The following BACE2 variants were observed in gnomAD, a reference collection of about 807,000 sequenced individuals.
The protein encoded by BACE2 is 56 kDa aspartic-like protease.
BACE2 carries 17 observed loss-of-function variants against 46.2 expected under a neutral mutation model. The observed-to-expected ratio is 0.37, with a 90% CI of 0.25 to 0.55. The LOEUF (loss-of-function observed/expected upper bound fraction) is 0.55, where lower values mean the gene tolerates loss of function less well. Among genes scored for constraint, BACE2 ranks in the 20% least tolerant of loss-of-function variants. The pLI, the probability that BACE2 is intolerant of heterozygous loss-of-function variation, is 0.82. For missense variants in BACE2, 595 were observed against 698.1 expected (o/e 0.85, Z 1.66); for synonymous variants, 277 against 295.9 (o/e 0.94, Z 0.66).
At chr21:41,244,841 T>G (rs1410356116) in intron 5 of BACE2, among the ~76,000 whole-genome samples, 1 of 151,996 alleles carries the variant, frequency 6.6e-6, no homozygotes, top group African/African-American at 2.4e-5. Flanking sequence ...AATGTCCGAA[T>G]GTAAAACAAA....
chr21:41,214,183 T>G (rs2123552364), intron 1 of BACE2, among the ~76,000 whole-genome samples: 1 of 152,298 alleles, frequency 6.6e-6, no homozygotes, highest in Admixed American at 6.5e-5. Flanking sequence ...AACCCACCTC[T>G]TCCAGGTGCC....
At chr21:41,210,590 C>T (rs976216757) in intron 1 of BACE2, among the ~76,000 whole-genome samples, 3 of 152,134 alleles carry the variant, frequency 2.0e-5, no homozygotes, top group South Asian at 2.1e-4. Context: ...CGCCCACAGA[C>T]GCAGACTGAC....
chr21:41,171,639 C>T lies in BACE2; in HGVS notation c.312+3064C>T, dbSNP rs145981106. On this transcript the variant is annotated intron_variant, in intron 1 of 8. Transcript: ENST00000330333. ...CAATTTGGTCTTATTAATAATAACACTCTTCTAAAGTAATTATAATTACAG... is the reference window on the plus strand; with the variant it reads ...CAATTTGGTCTTATTAATAATAACATTCTTCTAAAGTAATTATAATTACAG... Among the ~76,000 whole-genome samples, 27 of 152,296 alleles carry T rather than the reference C, an allele frequency of 1.8e-4. 1 individual carries two copies. The East Asian group carries it at 5.2e-3, about 29-fold the overall frequency.
At chr21:41,188,824 A>T (rs1312254838) in intron 1 of BACE2, among the ~76,000 whole-genome samples, 1 of 152,210 alleles carries the variant, frequency 6.6e-6, no homozygotes, top group Non-Finnish European at 1.5e-5. Flanking sequence ...GTCCTGCTCA[A>T]CTTCAACCTT....
chr21:41,180,715 G>C (rs1425933587), intron 1 of BACE2: 3 of 167,112 alleles, frequency 1.8e-5, no homozygotes, highest in Non-Finnish European at 4.4e-5. Flanking sequence ...GATATAGTTG[G>C]GGGCAGTGCC....
At chr21:41,215,382 CCTACTAGATG>C (rs975219587) in intron 1 of BACE2, among the ~76,000 whole-genome samples, 1 of 152,180 alleles carries the variant, frequency 6.6e-6, no homozygotes, top group African/African-American at 2.4e-5. Context: ...GGCCATTCTC[CCTACTAGATG>C]CTGCACTCTG....
intron 1 of BACE2, among the ~76,000 whole-genome samples, chr21:41,216,150 GTGA>G (rs1986460342): frequency 6.6e-6 from 1 of 152,166 alleles, no homozygotes; most frequent in Non-Finnish European, 1.5e-5. Context: ...GTGAAAGTGG[GTGA>G]TGGTCCTGGC....
In BACE2 at chr21:41,282,453, T is replaced by C. The variant is rs1254832041; in HGVS notation, c.*6829T>C. On this transcript the variant is annotated 3_prime_UTR_variant, in exon 9 of 9. Transcript: ENST00000330333. ...AAATAATCTTATTTTTATACTTGTATGTTCCAGCAATTTAAGATATATACC... is the reference window on the plus strand; with the variant it reads ...AAATAATCTTATTTTTATACTTGTACGTTCCAGCAATTTAAGATATATACC... The C allele has an allele frequency of 2.6e-5, 4 of 152,252 alleles. No homozygotes were observed. The highest frequency in any genetic ancestry group is 7.2e-5 in the African/African-American group (3 of 41,478). The allele number at this position is 152,252 out of a possible 1,614,324, so 9.4% of individuals were successfully genotyped here. A position where few individuals can be genotyped will look rare whatever the true frequency, so the allele number is the denominator to read the frequency against.
intron 7 of BACE2, among the ~76,000 whole-genome samples, chr21:41,255,529 C>T (rs1449268919): frequency 6.6e-6 from 1 of 152,222 alleles, no homozygotes; most frequent in Non-Finnish European, 1.5e-5. Flanking sequence ...TAGTGGTCAG[C>T]AGTACCCATA....
rs183051156 is a variant in BACE2 at position 41,262,766 on chromosome 21, A to T, written c.1303+5440A>T. Among the ~76,000 whole-genome samples the T allele has an allele frequency of 1.6e-4, 24 of 152,276 alleles. No individual in the cohort carries two copies. In the East Asian group the frequency reaches 4.6e-3, roughly 29 times the overall value. On this transcript the variant is annotated intron_variant, in intron 8 of 8. Transcript: ENST00000330333. ...CTATGTACCTCTTAGTTCTTACCAC[A>T]AATGAGATTATTTTACATTGCATTT...
intron 1 of BACE2, among the ~76,000 whole-genome samples, chr21:41,197,953 A>G (rs998408822): frequency 3.9e-5 from 6 of 152,178 alleles, no homozygotes; most frequent in Non-Finnish European, 7.4e-5. Flanking sequence ...TAAGGGGTAG[A>G]TATATACACA....
intron 7 of BACE2, among the ~76,000 whole-genome samples, chr21:41,251,787 G>A (rs377102346): frequency 7.9e-5 from 12 of 152,012 alleles, no homozygotes; most frequent in African/African-American, 2.9e-4. Context: ...GCGACAGAGT[G>A]AGACTCTGTC....
chr21:41,192,960 A>G (rs1332859759), intron 1 of BACE2, among the ~76,000 whole-genome samples: 1 of 152,188 alleles, frequency 6.6e-6, no homozygotes, highest in Non-Finnish European at 1.5e-5. Context: ...ACCCCTAGAA[A>G]TTTTACTGAG....
At chr21:41,259,356 A>G (rs1348158343) in intron 8 of BACE2, among the ~76,000 whole-genome samples, 1 of 152,198 alleles carries the variant, frequency 6.6e-6, no homozygotes, top group Non-Finnish European at 1.5e-5. Context: ...TCGCCATTAA[A>G]GTAATTACTT....
intron 1 of BACE2, among the ~76,000 whole-genome samples, chr21:41,210,165 T>A (rs1021767842): frequency 1.1e-4 from 16 of 152,064 alleles, no homozygotes; most frequent in African/African-American, 2.9e-4. Flanking sequence ...AACTTCAACC[T>A]CCACAGTTGG....
chr21:41,198,337 A>G (rs1985813711), intron 1 of BACE2, among the ~76,000 whole-genome samples: 1 of 152,212 alleles, frequency 6.6e-6, no homozygotes, highest in South Asian at 2.1e-4. Flanking sequence ...CCAAATTTTC[A>G]AAGTCACTTG....
rs894660577 is a variant in BACE2, at chr21:41,199,257, G to T, written c.313-27009G>T. Among the ~76,000 whole-genome samples the T allele has an allele frequency of 2.0e-5, 3 of 152,118 alleles. No homozygotes were observed. In the East Asian group the frequency reaches 5.9e-4, roughly 30 times the overall value. ...CCCCTTTCCTCCTTGTGGTGCCGGG[G>T]AGGAGCTGGCTGCCGGAGTCCCTTC... On this transcript the variant is annotated intron_variant, in intron 1 of 8. Transcript: ENST00000330333.
At chr21:41,202,944 C>T (rs1456368901) in intron 1 of BACE2, among the ~76,000 whole-genome samples, 1 of 152,118 alleles carries the variant, frequency 6.6e-6, no homozygotes, top group Admixed American at 6.5e-5. Context: ...TTCATAAAAT[C>T]TAGTGCAGTG....
intron 2 of BACE2, among the ~76,000 whole-genome samples, chr21:41,236,993 G>A (rs1987140708): frequency 6.6e-6 from 1 of 152,202 alleles, no homozygotes; most frequent in African/African-American, 2.4e-5. Flanking sequence ...CAAAACATTA[G>A]CGATTATGTT....
Sources: gnomAD v4.1 joint callset for allele counts (sites outside exome capture counted in the v4.1 genomes callset) on GRCh38, gnomAD v4.1.1 for gene constraint, MANE v1.5 for transcripts, NCBI Gene and HGNC (gene_info 2026-07-23, HGNC 2026-07-21) for gene names.